TET2: variants seen among roughly 807,000 people sequenced by gnomAD.
TET2 encodes the protein tet methylcytosine dioxygenase 2.
Under a neutral mutation model 142.9 loss-of-function variants are expected in TET2, and 299 were observed. That is an observed-to-expected ratio of 2.09 (90% CI 1.90 to 2.30). The LOEUF is 2.30. Ranked by LOEUF, TET2 falls within the 30% of genes most tolerant of loss-of-function variation. The pLI is 0.00. For synonymous variants in TET2, 819 were observed against 849.0 expected (o/e 0.96, Z 0.61); for missense variants, 2,418 against 2,378.0 (o/e 1.02, Z -0.35).
chr4:105,241,053 T>C (rs548580598), intron 3 of TET2: 92 of 1,064,246 alleles, frequency 8.6e-5, no homozygotes, highest in Non-Finnish European at 9.9e-5. Context: ...TCTAATTCCC[T>C]CACTGTATTC....
At chr4:105,173,741 T>C (rs1390191883) in intron 1 of TET2, among the ~76,000 whole-genome samples, 2 of 152,214 alleles carry the variant, frequency 1.3e-5, no homozygotes, top group African/African-American at 4.8e-5. Context: ...TTTATTCAAA[T>C]ATTTATTACA....
intron 2 of TET2, among the ~76,000 whole-genome samples, chr4:105,220,971 C>T (rs564414618): frequency 6.6e-6 from 1 of 152,100 alleles, no homozygotes; most frequent in Non-Finnish European, 1.5e-5. Context: ...AAGTTTCAAG[C>T]ATTGGATAAT....
intron 2 of TET2, among the ~76,000 whole-genome samples, chr4:105,213,953 G>A (rs145420543): frequency 2.0e-5 from 3 of 151,990 alleles, no homozygotes; most frequent in African/African-American, 7.3e-5. Flanking sequence ...TCTGCTGCTG[G>A]GTTCAAGTGA....
intron 2 of TET2, among the ~76,000 whole-genome samples, chr4:105,222,883 G>T (rs986081110): frequency 6.6e-6 from 1 of 152,058 alleles, no homozygotes; most frequent in Non-Finnish European, 1.5e-5. Flanking sequence ...ATCTTGAATT[G>T]ATTTTTGTAT....
chr4:105,155,035 A>C (rs1256715719), intron 1 of TET2, among the ~76,000 whole-genome samples: 1 of 152,288 alleles, frequency 6.6e-6, no homozygotes, highest in African/African-American at 2.4e-5. Flanking sequence ...TCAAAAAAAA[A>C]CTATAAAAAT....
At position 105,243,761 on chromosome 4, in the gene TET2, G is replaced by T. The variant is rs1459243966; in HGVS notation, c.3786G>T (p.Arg1262=). 1 of 1,551,318 alleles carries T rather than the reference G, an allele frequency of 6.4e-7. No individual in the cohort carries two copies. The highest frequency in any genetic ancestry group is 2.4e-5 in the East Asian group (1 of 40,936). The change falls in exon 6 of 11, where the codon CGG becomes CGT. Residue 1262 remains arginine, a synonymous_variant. Transcript: ENST00000380013. ...AATACGGCACGCTCACCAATCGCCG[G>T]TGTGCCTTGAATGAAGAGTAAGTGA... ...LRKYGTLTNR[R]CALNEERTCA... is the part of the protein sequence containing the mutation.
At chr4:105,189,526 A>G (rs932585472) in intron 1 of TET2, among the ~76,000 whole-genome samples, 1 of 152,134 alleles carries the variant, frequency 6.6e-6, no homozygotes, top group Non-Finnish European at 1.5e-5. Context: ...CTGCAGCTGT[A>G]TCTGTGCCTC....
chr4:105,166,543 T>C (rs1724158813), intron 1 of TET2, among the ~76,000 whole-genome samples: 1 of 151,980 alleles, frequency 6.6e-6, no homozygotes, highest in African/African-American at 2.4e-5. Context: ...ATGTCTATTA[T>C]TGCTTTAGTC....
At chr4:105,166,759 G>A (rs1724174440) in intron 1 of TET2, among the ~76,000 whole-genome samples, 1 of 152,008 alleles carries the variant, frequency 6.6e-6, no homozygotes, top group African/African-American at 2.4e-5. Flanking sequence ...CAGAGCTTGG[G>A]AAACATTGGT....
intron 6 of TET2, among the ~76,000 whole-genome samples, chr4:105,245,697 G>A (rs1729552672): frequency 6.6e-6 from 1 of 152,062 alleles, no homozygotes; most frequent in African/African-American, 2.4e-5. Flanking sequence ...AAAAATGTAT[G>A]TAGGTGCCTT....
chr4:105,167,814 A>G (rs1385651483), intron 1 of TET2, among the ~76,000 whole-genome samples: 1 of 152,228 alleles, frequency 6.6e-6, no homozygotes, highest in Non-Finnish European at 1.5e-5. Context: ...GGTAATAGAA[A>G]AGGAGATAAA....
intron 1 of TET2, among the ~76,000 whole-genome samples, chr4:105,179,221 A>G (rs1439445111): frequency 2.0e-5 from 3 of 152,108 alleles, no homozygotes; most frequent in African/African-American, 7.2e-5. Flanking sequence ...TGATAAAACT[A>G]TGTCTTTTCT....
intron 3 of TET2, chr4:105,240,912 T>G: frequency 3.7e-6 from 4 of 1,080,466 alleles, no homozygotes; most frequent in Non-Finnish European, 4.5e-6. Context: ...ATTCTGGGGG[T>G]GGGATAGAGC....
intron 1 of TET2, among the ~76,000 whole-genome samples, chr4:105,166,830 T>C (rs1724178275): frequency 6.6e-6 from 1 of 152,094 alleles, no homozygotes; most frequent in South Asian, 2.1e-4. Context: ...AGTCTGATTC[T>C]GTCTTTTTTA....
chr4:105,263,760 CTGA>C (rs994568997), intron 8 of TET2, among the ~76,000 whole-genome samples: 4 of 152,020 alleles, frequency 2.6e-5, no homozygotes, highest in Non-Finnish European at 4.4e-5. Flanking sequence ...GGACAAAGGG[CTGA>C]TGATGGGATT....
At chr4:105,229,657 A>G (rs1053139380) in intron 2 of TET2, among the ~76,000 whole-genome samples, 2 of 152,000 alleles carry the variant, frequency 1.3e-5, no homozygotes, top group Non-Finnish European at 2.9e-5. Flanking sequence ...TTATTTAAAA[A>G]AAAAAAAAAG....
At chr4:105,167,758 C>T (rs1724240304) in intron 1 of TET2, among the ~76,000 whole-genome samples, 1 of 152,140 alleles carries the variant, frequency 6.6e-6, no homozygotes, top group Non-Finnish European at 1.5e-5. Context: ...CTTGGAGATT[C>T]TTTGGTTGTC....
Position 105,275,998 on chromosome 4 carries a change from T to G in TET2, c.5488T>G (p.Leu1830Val). The change falls in exon 11 of 11, where the codon TTG becomes GTG. Residue 1830 changes from leucine (L) to valine (V), a missense_variant. By Grantham distance (32) the Leu-to-Val change is conservative. Transcript: ENST00000380013. ...SDANGQEKQPLALVQGVASGA... is the reference protein window; with the variant it reads ...SDANGQEKQPVALVQGVASGA... ...TGCTAATGGTCAGGAAAAGCAGCCA[T>G]TGGCACTAGTCCAGGGTGTGGCTTC... 6.4e-7 allele frequency: 1 copy of G among 1,551,734 alleles called. No individual in the cohort carries two copies. The highest frequency in any genetic ancestry group is 8.7e-7 in the Non-Finnish European group (1 of 1,146,988).
intron 2 of TET2, among the ~76,000 whole-genome samples, chr4:105,211,850 T>G (rs1281012684): frequency 6.6e-6 from 1 of 152,192 alleles, no homozygotes; most frequent in African/African-American, 2.4e-5. Flanking sequence ...GTTAATGTTG[T>G]CACTAGATTA....
Sources: gnomAD v4.1 joint callset for allele counts (sites outside exome capture counted in the v4.1 genomes callset) on GRCh38, gnomAD v4.1.1 for gene constraint, MANE v1.5 for transcripts, NCBI Gene and HGNC (gene_info 2026-07-23, HGNC 2026-07-21) for gene names.